The following SAMD5 variants were observed in gnomAD, a reference collection of about 807,000 sequenced individuals.
The protein encoded by SAMD5 is sterile alpha motif domain-containing protein 5.
Under a neutral mutation model 11.3 loss-of-function variants are expected in SAMD5, and 13 were observed. That is an observed-to-expected ratio of 1.15 (90% CI 0.75 to 1.83). The LOEUF (loss-of-function observed/expected upper bound fraction) is 1.83. Among genes scored for constraint, SAMD5 ranks in the 40% most tolerant of loss-of-function variants. The pLI, the probability that SAMD5 is intolerant of heterozygous loss-of-function variation, is 0.00. For synonymous variants in SAMD5, 129 were observed against 111.3 expected, an observed-to-expected ratio of 1.16 and a Z score of -1.00; for missense variants, 255 against 239.1, an observed-to-expected ratio of 1.07 and a Z score of -0.44.
the SAMD5 span, among the ~76,000 whole-genome samples, chr6:147,776,416 C>T: frequency 6.6e-6 from 1 of 152,076 alleles, no homozygotes; most frequent in Non-Finnish European, 1.5e-5. Flanking sequence ...GAAAAAATAG[C>T]AGAATTATGA....
At chr6:147,584,386 C>T (rs1583095063) in intron 1 of SAMD5, among the ~76,000 whole-genome samples, 1 of 152,198 alleles carries the variant, frequency 6.6e-6, no homozygotes, top group South Asian at 2.1e-4. Flanking sequence ...ATTTGATCTA[C>T]TGCTTCTGTC....
At chr6:147,680,923 C>G (rs1157576814) in intron 1 of SAMD5, among the ~76,000 whole-genome samples, 1 of 152,084 alleles carries the variant, frequency 6.6e-6, no homozygotes, top group Non-Finnish European at 1.5e-5. Context: ...AGTTTTGCAT[C>G]TGTGTTCTTG....
the SAMD5 span, among the ~76,000 whole-genome samples, chr6:147,800,449 G>A: frequency 6.6e-6 from 1 of 152,122 alleles, no homozygotes; most frequent in Non-Finnish European, 1.5e-5. Flanking sequence ...GCTGCATACT[G>A]GGAGAACCAC....
intron 1 of SAMD5, among the ~76,000 whole-genome samples, chr6:147,662,051 C>G (rs2128454528): frequency 6.6e-6 from 1 of 152,226 alleles, no homozygotes; most frequent in East Asian, 1.9e-4. Context: ...TTCACATCTT[C>G]ACAAAAATAG....
chr6:147,886,213 T>C, the SAMD5 span, among the ~76,000 whole-genome samples: 7,750 of 152,242 alleles, frequency 0.051, 234 homozygotes, highest in Non-Finnish European at 0.058. Context: ...ATTCAATCTA[T>C]ACACTCAGCT....
the SAMD5 span, among the ~76,000 whole-genome samples, chr6:147,750,748 A>G: frequency 2.0e-5 from 3 of 152,268 alleles, no homozygotes; most frequent in Non-Finnish European, 4.4e-5. Flanking sequence ...ACCTGGTGAA[A>G]CCCCATCTAC....
At chr6:147,769,006 T>A in the SAMD5 span, among the ~76,000 whole-genome samples, 1 of 152,090 alleles carries the variant, frequency 6.6e-6, no homozygotes, top group African/African-American at 2.4e-5. Flanking sequence ...TTTGCCCAGG[T>A]TGGTCTCGAA....
chr6:147,946,330 G>GT, the SAMD5 span, among the ~76,000 whole-genome samples: 1 of 152,114 alleles, frequency 6.6e-6, no homozygotes, highest in East Asian at 1.9e-4. Flanking sequence ...TGTTGTTTTT[G>GT]TAAGTATCTG....
chr6:147,868,907 A>G, the SAMD5 span, among the ~76,000 whole-genome samples: 1 of 152,202 alleles, frequency 6.6e-6, no homozygotes, highest in Non-Finnish European at 1.5e-5. Context: ...CAAAGACATG[A>G]CCAAAAATAA....
chr6:147,751,345 A>G, the SAMD5 span, among the ~76,000 whole-genome samples: 1 of 151,352 alleles, frequency 6.6e-6, no homozygotes, highest in South Asian at 2.1e-4. Flanking sequence ...TTTTTTTTCC[A>G]TCTGTCTCCC....
intron 1 of SAMD5, among the ~76,000 whole-genome samples, chr6:147,634,573 G>C (rs1790197406): frequency 6.6e-6 from 1 of 152,224 alleles, no homozygotes. Context: ...TTTTACAGCA[G>C]AGTAATATTT....
intron 1 of SAMD5, among the ~76,000 whole-genome samples, chr6:147,597,258 A>G (rs1466118035): frequency 6.6e-6 from 1 of 152,178 alleles, no homozygotes; most frequent in Non-Finnish European, 1.5e-5. Context: ...TGATTAATTA[A>G]TCTATTAATT....
intron 1 of SAMD5, among the ~76,000 whole-genome samples, chr6:147,723,694 A>G (rs74322670): frequency 3.9e-5 from 6 of 152,136 alleles, no homozygotes; most frequent in African/African-American, 1.4e-4. Flanking sequence ...CATAAAACAT[A>G]AGCCACTTTC....
intron 1 of SAMD5, among the ~76,000 whole-genome samples, chr6:147,658,679 A>C (rs1789695): frequency 0.32 from 48,578 of 151,416 alleles, 7,998 homozygotes; most frequent in African/African-American, 0.38. Flanking sequence ...TTCCACTTTC[A>C]AGTCAGAACG....
At chr6:147,863,454 C>G in the SAMD5 span, among the ~76,000 whole-genome samples, 4 of 152,196 alleles carry the variant, frequency 2.6e-5, no homozygotes, top group African/African-American at 9.7e-5. Context: ...CTTCCTGCCT[C>G]TCATTATGAT....
At chr6:147,585,852 G>A (rs1169697880) in intron 1 of SAMD5, among the ~76,000 whole-genome samples, 1 of 152,138 alleles carries the variant, frequency 6.6e-6, no homozygotes, top group East Asian at 1.9e-4. Flanking sequence ...TTCACACCGT[G>A]AAGGCTAAAA....
intron 1 of SAMD5, among the ~76,000 whole-genome samples, chr6:147,676,478 T>G (rs576811524): frequency 5.9e-5 from 9 of 152,320 alleles, no homozygotes; most frequent in African/African-American, 1.9e-4. Context: ...ATAGCACTTA[T>G]TGGTAGAGTA....
intron 1 of SAMD5, among the ~76,000 whole-genome samples, chr6:147,624,060 G>T (rs1323493574): frequency 1.3e-5 from 2 of 152,062 alleles, no homozygotes; most frequent in Non-Finnish European, 2.9e-5. Context: ...AGTAGAAACG[G>T]GGTTTTGCCA....
chr6:147,909,560 T>TTTTCTTCC, the SAMD5 span, among the ~76,000 whole-genome samples: 10 of 78,930 alleles, frequency 1.3e-4, no homozygotes, highest in Admixed American at 2.8e-4. Context: ...CATCCATCTT[T>TTTTCTTCC]TTTCTTTCTT....
Sources: allele counts gnomAD v4.1 joint callset (sites outside exome capture counted in the v4.1 genomes callset), GRCh38; gene constraint gnomAD v4.1.1; transcripts MANE v1.5; gene names NCBI Gene and HGNC (gene_info 2026-07-23, HGNC 2026-07-21).